The following MTUS2 variants were observed in gnomAD, a reference collection of about 807,000 sequenced individuals.
MTUS2 encodes the protein microtubule associated scaffold protein 2, also known as microtubule-associated tumor suppressor candidate 2.
Under a neutral mutation model 114.1 loss-of-function variants are expected in MTUS2, and 40 were observed. The observed-to-expected ratio is 0.35, with a 90% confidence interval of 0.27 to 0.46. The LOEUF (loss-of-function observed/expected upper bound fraction) is 0.46. Among genes scored for constraint, MTUS2 ranks in the 20% least tolerant of loss-of-function variants. The probability of loss-of-function intolerance (pLI) is 1.00; values close to 1 mark genes in which losing one functional copy is unlikely to be tolerated. For missense variants in MTUS2, 1,679 were observed against 1,705.4 expected (o/e 0.98, Z 0.27); for synonymous variants, 688 against 672.0 (o/e 1.02, Z -0.37).
chr13:29,308,408 G>A (rs1203762968), intron 6 of MTUS2, among the ~76,000 whole-genome samples: 2 of 152,124 alleles, frequency 1.3e-5, no homozygotes, highest in Non-Finnish European at 2.9e-5. Context: ...ATTAACTCAA[G>A]ATGGATTAAA....
intron 6 of MTUS2, among the ~76,000 whole-genome samples, chr13:29,295,386 T>A (rs1200633023): frequency 6.6e-6 from 1 of 152,144 alleles, no homozygotes; most frequent in Non-Finnish European, 1.5e-5. Flanking sequence ...CTGGATGTAC[T>A]TTCGTATCCA....
intron 7 of MTUS2, among the ~76,000 whole-genome samples, chr13:29,331,669 C>T (rs1900786117): frequency 6.6e-6 from 1 of 152,302 alleles, no homozygotes; most frequent in Non-Finnish European, 1.5e-5. Context: ...AGCTTTTGCC[C>T]ATTCAGTGTG....
intron 2 of MTUS2, among the ~76,000 whole-genome samples, chr13:28,893,647 A>G (rs1879062061): frequency 6.6e-6 from 1 of 152,220 alleles, no homozygotes; most frequent in South Asian, 2.1e-4. Flanking sequence ...GCATCCCATG[A>G]AGATACTGTG....
intron 5 of MTUS2, among the ~76,000 whole-genome samples, chr13:29,179,527 G>T (rs766959681): frequency 3.3e-5 from 5 of 152,158 alleles, no homozygotes; most frequent in South Asian, 2.1e-4. Flanking sequence ...GACTGAGGAG[G>T]TGTTTATACC....
At chr13:28,988,836 CA>C (rs1245278387) in intron 2 of MTUS2, among the ~76,000 whole-genome samples, 2 of 152,024 alleles carry the variant, frequency 1.3e-5, no homozygotes, top group Non-Finnish European at 2.9e-5. Context: ...TTGAATAATT[CA>C]GGGGGGAAAT....
chr13:28,847,487 G>A (rs1875965936), intron 2 of MTUS2, among the ~76,000 whole-genome samples: 1 of 152,116 alleles, frequency 6.6e-6, no homozygotes, highest in African/African-American at 2.4e-5. Flanking sequence ...TTCGTCTAGA[G>A]GACACTGAGG....
intron 8 of MTUS2, among the ~76,000 whole-genome samples, chr13:29,425,830 G>A (rs2138616656): frequency 6.6e-6 from 1 of 152,280 alleles, no homozygotes; most frequent in South Asian, 2.1e-4. Context: ...CTGTGCCCAA[G>A]AAGAGAAGCT....
intron 1 of MTUS2, among the ~76,000 whole-genome samples, chr13:28,823,520 GTCA>G (rs1000698381): frequency 1.4e-4 from 21 of 152,232 alleles, no homozygotes; most frequent in African/African-American, 5.1e-4. Context: ...CCATCCATCA[GTCA>G]TCTATCTACC....
chr13:29,113,003 C>T, intron 5 of MTUS2, among the ~76,000 whole-genome samples: 1 of 152,102 alleles, frequency 6.6e-6, no homozygotes, highest in Non-Finnish European at 1.5e-5. Context: ...GCACAGAAGG[C>T]CCATGTGAGG....
rs191491526 is a variant in MTUS2, at chr13:28,849,573, A to G, written c.-243+9723A>G. Among the ~76,000 whole-genome samples the G allele has an allele frequency of 2.1e-3, 317 of 152,322 alleles. 2 individuals are homozygous for G. Among genetic ancestry groups the G allele is most frequent in the African/African-American group, 7.4e-3 (308 of 41,576 alleles). ...CTTCACAGCAGCACTACCTGAGGCTAGGGGCACAGACAGATATAACTACAG... is the reference window on the plus strand; with the variant it reads ...CTTCACAGCAGCACTACCTGAGGCTGGGGGCACAGACAGATATAACTACAG... On this transcript the variant is annotated intron_variant, in intron 2 of 15. Transcript: ENST00000612955.
At chr13:29,461,827 T>C (rs558361330) in intron 9 of MTUS2, among the ~76,000 whole-genome samples, 94 of 152,336 alleles carry the variant, frequency 6.2e-4, no homozygotes, top group Non-Finnish European at 1.0e-3. Context: ...GTTGGAATTA[T>C]TTAATATTAA....
In MTUS2 at chr13:28,842,849, CAGTGGGTGCTCCTAGT is replaced by C. The variant is rs563886936; in HGVS notation, c.-243+3000_-243+3015del. 7.2e-5 allele frequency among the ~76,000 whole-genome samples: 11 copies of C among 152,318 alleles called. No individual in the cohort carries two copies. The South Asian group carries it at 2.3e-3, about 32-fold the overall frequency. ...TGCAGATGCTAGTAGCAGCCACATA[CAGTGGGTGCTCCTAGT>C]TCAGTACTGTGCTGAGCCCAACACT... On this transcript the variant is annotated intron_variant, in intron 2 of 15. Transcript: ENST00000612955.
chr13:29,497,367 G>A (rs778081615), intron 13 of MTUS2, 31 bp downstream of exon 13: 25 of 1,584,370 alleles, frequency 1.6e-5, no homozygotes, highest in Middle Eastern at 2.3e-4. Flanking sequence ...TTCCAGCCCC[G>A]CAGGAACCCC....
chr13:28,977,665 A>G (rs931824599), intron 2 of MTUS2, among the ~76,000 whole-genome samples: 6 of 152,184 alleles, frequency 3.9e-5, no homozygotes, highest in African/African-American at 1.4e-4. Flanking sequence ...GTGGAGATGA[A>G]AGCCTTTATG....
chr13:28,864,334 A>G (rs181957329), intron 2 of MTUS2, among the ~76,000 whole-genome samples: 2 of 152,182 alleles, frequency 1.3e-5, no homozygotes, highest in Non-Finnish European at 2.9e-5. Flanking sequence ...ATTGTTCTCT[A>G]CCCTATTTTA....
intron 5 of MTUS2, among the ~76,000 whole-genome samples, chr13:29,128,301 A>G (rs572995850): frequency 1.3e-5 from 2 of 152,198 alleles, no homozygotes; most frequent in South Asian, 2.1e-4. Context: ...AGTTGGATTT[A>G]TGAATTAAAG....
intron 2 of MTUS2, among the ~76,000 whole-genome samples, chr13:28,896,280 A>G (rs1879260056): frequency 6.6e-6 from 1 of 152,226 alleles, no homozygotes; most frequent in Non-Finnish European, 1.5e-5. Flanking sequence ...GAGCCAAATC[A>G]TGAGTGAACT....
chr13:29,264,676 C>G, intron 5 of MTUS2, among the ~76,000 whole-genome samples: 1 of 152,250 alleles, frequency 6.6e-6, no homozygotes. Context: ...AGGCTTACAG[C>G]TTGCACCCTC....
chr13:29,481,209 A>C (rs1479370134), intron 10 of MTUS2, among the ~76,000 whole-genome samples: 1 of 152,218 alleles, frequency 6.6e-6, no homozygotes, highest in African/African-American at 2.4e-5. Context: ...TGGAGAGGAA[A>C]ATGCATCCAT....
Sources: allele counts gnomAD v4.1 joint callset (sites outside exome capture counted in the v4.1 genomes callset), GRCh38; gene constraint gnomAD v4.1.1; transcripts MANE v1.5; gene names NCBI Gene and HGNC (gene_info 2026-07-23, HGNC 2026-07-21).